The following CPQ variants were observed in gnomAD, a reference collection of about 807,000 sequenced individuals.
CPQ encodes the protein carboxypeptidase Q.
CPQ carries 37 observed loss-of-function variants against 45.7 expected under a neutral mutation model. The ratio of observed to expected loss-of-function variants is 0.81; its 90% CI spans 0.62 to 1.07. The LOEUF (loss-of-function observed/expected upper bound fraction) is 1.07, where lower values mean the gene tolerates loss of function less well. Among genes scored for constraint, CPQ ranks in the 50% least tolerant of loss-of-function variants. The probability of loss-of-function intolerance (pLI) is 0.00; values close to 1 mark genes in which losing one functional copy is unlikely to be tolerated. For synonymous variants in CPQ, 186 were observed against 205.8 expected, an observed-to-expected ratio of 0.90 and a Z score of 0.82; for missense variants, 537 against 572.9, an observed-to-expected ratio of 0.94 and a Z score of 0.64.
chr8:96,912,120 C>A (rs901947146), intron 4 of CPQ, among the ~76,000 whole-genome samples: 1 of 152,170 alleles, frequency 6.6e-6, no homozygotes, highest in Admixed American at 6.5e-5. Context: ...ATGAATGATT[C>A]ATTTGTGATG....
At chr8:97,089,416 G>T (rs560602914) in intron 7 of CPQ, among the ~76,000 whole-genome samples, 4 of 152,062 alleles carry the variant, frequency 2.6e-5, no homozygotes, top group Non-Finnish European at 5.9e-5. Context: ...TGATCCAGGG[G>T]GTAGTCCATA....
At chr8:96,667,691 G>A (rs549165328) in intron 1 of CPQ, among the ~76,000 whole-genome samples, 1 of 152,064 alleles carries the variant, frequency 6.6e-6, no homozygotes, top group East Asian at 1.9e-4. Flanking sequence ...CCACACTTAG[G>A]CCAAGTTTGT....
At chr8:96,984,104 C>T (rs1049430853) in intron 5 of CPQ, among the ~76,000 whole-genome samples, 1 of 151,864 alleles carries the variant, frequency 6.6e-6, no homozygotes, top group African/African-American at 2.4e-5. Context: ...CTTATACATT[C>T]CCTTTCTTTT....
intron 5 of CPQ, among the ~76,000 whole-genome samples, chr8:96,973,206 G>A (rs565765222): frequency 6.6e-6 from 1 of 151,694 alleles, no homozygotes; most frequent in South Asian, 2.1e-4. Flanking sequence ...CTTCTAGAAG[G>A]CAAGAAATGC....
intron 3 of CPQ, among the ~76,000 whole-genome samples, chr8:96,848,916 T>G (rs945637646): frequency 3.9e-5 from 6 of 152,240 alleles, no homozygotes; most frequent in African/African-American, 9.6e-5. Flanking sequence ...CAAGGTGATG[T>G]ACTTTTTCAT....
chr8:96,881,687 C>T (rs1354803700), intron 4 of CPQ, among the ~76,000 whole-genome samples: 1 of 152,156 alleles, frequency 6.6e-6, no homozygotes, highest in African/African-American at 2.4e-5. Context: ...AATATTAAAC[C>T]AAGCTTTAAA....
At chr8:96,674,528 A>G (rs972552745) in intron 1 of CPQ, among the ~76,000 whole-genome samples, 2 of 152,126 alleles carry the variant, frequency 1.3e-5, no homozygotes, top group Non-Finnish European at 2.9e-5. Context: ...ACACCTGGCT[A>G]AGAGTGATTG....
intron 2 of CPQ, among the ~76,000 whole-genome samples, chr8:96,812,109 G>C (rs1011166529): frequency 1.8e-4 from 27 of 152,034 alleles, no homozygotes; most frequent in African/African-American, 5.8e-4. Flanking sequence ...TACCAGATAG[G>C]TTCTTTTTAA....
intron 7 of CPQ, among the ~76,000 whole-genome samples, chr8:97,111,849 G>A (rs1211689953): frequency 6.6e-6 from 1 of 152,140 alleles, no homozygotes; most frequent in African/African-American, 2.4e-5. Flanking sequence ...CTCTTATTCT[G>A]TCTCACTCTC....
At chr8:96,972,518 A>C (rs573996792) in intron 5 of CPQ, among the ~76,000 whole-genome samples, 11 of 152,296 alleles carry the variant, frequency 7.2e-5, no homozygotes, top group African/African-American at 2.6e-4. Flanking sequence ...TCCTAGGGCA[A>C]CTAGGAACAC....
chr8:96,753,500 ATTTGTT>A (rs1810289113), intron 1 of CPQ, among the ~76,000 whole-genome samples: 2 of 151,360 alleles, frequency 1.3e-5, no homozygotes, highest in Non-Finnish European at 3.0e-5. Context: ...TTATCTTTCC[ATTTGTT>A]TAAGTTTTCT....
chr8:96,921,587 G>A (rs1166375432), intron 4 of CPQ, among the ~76,000 whole-genome samples: 2 of 152,182 alleles, frequency 1.3e-5, no homozygotes, highest in African/African-American at 4.8e-5. Context: ...TGAGGCAGGA[G>A]TTAATGTGCT....
chr8:96,804,096 A>G (rs991238606), intron 2 of CPQ, among the ~76,000 whole-genome samples: 6 of 152,174 alleles, frequency 3.9e-5, no homozygotes, highest in African/African-American at 1.4e-4. Flanking sequence ...GGGGCTAAGG[A>G]GGGAAAAAAG....
intron 5 of CPQ, among the ~76,000 whole-genome samples, chr8:97,014,140 G>A (rs555821620): frequency 3.9e-5 from 6 of 152,276 alleles, no homozygotes; most frequent in Admixed American, 3.9e-4. Flanking sequence ...GAGGATTGGT[G>A]GAAGCAGTTA....
At chr8:96,704,032 C>T (rs1385501769) in intron 1 of CPQ, among the ~76,000 whole-genome samples, 1 of 152,206 alleles carries the variant, frequency 6.6e-6, no homozygotes, top group Non-Finnish European at 1.5e-5. Context: ...ATCCTTCATA[C>T]TTTCAGTTCT....
At chr8:96,875,437 T>C (rs182604485) in intron 3 of CPQ, among the ~76,000 whole-genome samples, 215 of 152,094 alleles carry the variant, frequency 1.4e-3, no homozygotes, top group Middle Eastern at 6.8e-3. Flanking sequence ...AGCTATTACA[T>C]GTAAGGCTAT....
At chr8:96,689,063 A>T (rs915487340) in intron 1 of CPQ, among the ~76,000 whole-genome samples, 14 of 152,204 alleles carry the variant, frequency 9.2e-5, no homozygotes, top group African/African-American at 3.1e-4. Context: ...AAATTTCTTC[A>T]TAAGAACTGA....
At chr8:96,713,264 C>A (rs1809636956) in intron 1 of CPQ, among the ~76,000 whole-genome samples, 1 of 152,216 alleles carries the variant, frequency 6.6e-6, no homozygotes, top group South Asian at 2.1e-4. Flanking sequence ...CTGTCTTCTT[C>A]TGAGCTCTCA....
chr8:97,023,464 T>A (rs1054120936), intron 5 of CPQ, among the ~76,000 whole-genome samples: 1 of 151,980 alleles, frequency 6.6e-6, no homozygotes, highest in Non-Finnish European at 1.5e-5. Flanking sequence ...TGTACCCCAA[T>A]AACCTATGGA....
Sources: gnomAD v4.1 joint callset for allele counts (sites outside exome capture counted in the v4.1 genomes callset) on GRCh38, gnomAD v4.1.1 for gene constraint, MANE v1.5 for transcripts, NCBI Gene and HGNC (gene_info 2026-07-23, HGNC 2026-07-21) for gene names.